BAG3: variants seen among roughly 807,000 people sequenced by gnomAD.
The protein encoded by BAG3 is BAG cochaperone 3.
BAG3 carries 14 observed loss-of-function variants against 40.5 expected under a neutral mutation model. That is an observed-to-expected ratio of 0.35 (90% CI 0.23 to 0.54). The LOEUF (loss-of-function observed/expected upper bound fraction) is 0.54. Among genes scored for constraint, BAG3 ranks in the 20% least tolerant of loss-of-function variants. The pLI is 0.91. For missense variants in BAG3, 788 were observed against 758.6 expected (o/e 1.04, Z -0.46); for synonymous variants, 302 against 307.8 (o/e 0.98, Z 0.20).
chr10:119,672,708 G>T lies in BAG3; in HGVS notation c.909+52G>T, dbSNP rs1441250576. 1.2e-6 allele frequency: 2 copies of T among 1,603,778 alleles called. No individual in the cohort carries two copies. Among genetic ancestry groups the T allele is most frequent in the African/African-American group, 2.7e-5 (2 of 74,922 alleles). On this transcript the variant is annotated intron_variant, in intron 3 of 3. Transcript: ENST00000369085. This position sits in a 1 kb window ranked among gnomAD's most constrained non-coding sequence, Gnocchi z 4.8. ...TGGTTATGGTGGTATGTCTCCAGGG[G>T]TGCAGGAGCTCTGTGGGTGCCCTGG...
chr10:119,661,395 G>C (rs1243628198), intron 1 of BAG3, among the ~76,000 whole-genome samples: 6 of 152,160 alleles, frequency 3.9e-5, no homozygotes, highest in African/African-American at 1.4e-4. Context: ...GAAATATGGG[G>C]ATCTTTACAG....
At position 119,651,583 on chromosome 10, in the gene BAG3, G is replaced by A; in HGVS notation, c.-93G>A. 1 of 1,225,832 alleles carries A rather than the reference G, an allele frequency of 8.2e-7. No homozygotes were observed. The highest frequency in any genetic ancestry group is 1.6e-5 in the African/African-American group (1 of 62,230). The allele number at this position is 1,225,832 out of a possible 1,614,324, so 75.9% of individuals were successfully genotyped here. ...CCGGCTTCCCGGACACGTCGGCGGC[G>A]GAGAGGGGCCCACGGCGGCGGCCCG... On this transcript the variant is annotated 5_prime_UTR_variant, in exon 1 of 4. Transcript: ENST00000369085.
In BAG3 at chr10:119,665,136, A is replaced by ATTTT. The variant is rs1430985995; in HGVS notation, c.181-4714_181-4713insTTTT. Among the ~76,000 whole-genome samples, 32 of 73,178 alleles carry ATTTT rather than the reference A, an allele frequency of 4.4e-4. 1 individual carries two copies. The highest frequency in any genetic ancestry group is 7.9e-4 in the African/African-American group (15 of 19,094). 48.0% of individuals were successfully genotyped at this position (73,178 alleles called of 152,430 possible). A position where few individuals can be genotyped will look rare whatever the true frequency, so the allele number is the denominator to read the frequency against. On this transcript the variant is annotated intron_variant, in intron 1 of 3. Coordinates refer to ENST00000369085, the MANE Select transcript of BAG3 (RefSeq NM_004281.4). ...TGTGTGTGTGTGTGTGTATATATAT[A>ATTTT]TATATATATTTTTTTTTTTAGTTGG...
rs183602923 is a variant in BAG3, at chr10:119,669,111, C to T, written c.181-740C>T. Among the ~76,000 whole-genome samples, 137 of 152,288 alleles carry T rather than the reference C, an allele frequency of 9.0e-4. 1 individual carries two copies. Among genetic ancestry groups the T allele is most frequent in the African/African-American group, 2.9e-3 (119 of 41,562 alleles). On this transcript the variant is annotated intron_variant, in intron 1 of 3. Transcript: ENST00000369085. Reference sequence around the variant, plus strand: ...GGGAGGGGGTTTCTGGCTAAACTGACTTAGCAGTGTCTTTTGCTAAAACTT... The same window carrying T: ...GGGAGGGGGTTTCTGGCTAAACTGATTTAGCAGTGTCTTTTGCTAAAACTT...
intron 1 of BAG3, among the ~76,000 whole-genome samples, chr10:119,656,835 C>T (rs1846919916): frequency 6.6e-6 from 1 of 151,900 alleles, no homozygotes; most frequent in South Asian, 2.1e-4. Flanking sequence ...CTTTTGGTAA[C>T]CTTATCTCTA....
chr10:119,653,084 G>A (rs1846865606), intron 1 of BAG3, among the ~76,000 whole-genome samples: 1 of 152,182 alleles, frequency 6.6e-6, no homozygotes, highest in Admixed American at 6.5e-5. Context: ...AGAAAGACCT[G>A]TATTATTTCC....
In BAG3 at chr10:119,672,097, C is replaced by G. The variant is rs539119843; in HGVS notation, c.508-158C>G. On this transcript the variant is annotated intron_variant, in intron 2 of 3. Transcript: ENST00000369085. The surrounding 1 kb of genome is among the most constrained non-coding windows in gnomAD (Gnocchi z 4.8). ...AGCCACCGCGCCCAGCCCCAGAGCTCTCAGTCTTAACCGCACATTTTGAAA... is the reference window on the plus strand; with the variant it reads ...AGCCACCGCGCCCAGCCCCAGAGCTGTCAGTCTTAACCGCACATTTTGAAA... 5.9e-5 allele frequency among the ~76,000 whole-genome samples: 9 copies of G among 152,274 alleles called. No homozygotes were observed. The highest frequency in any genetic ancestry group is 2.2e-4 in the African/African-American group (9 of 41,556).
intron 1 of BAG3, among the ~76,000 whole-genome samples, chr10:119,669,522 C>A (rs554938655): frequency 6.6e-6 from 1 of 152,198 alleles, no homozygotes. Flanking sequence ...TCTGAAAATG[C>A]GGGCATGGGC....
intron 1 of BAG3, among the ~76,000 whole-genome samples, chr10:119,662,583 T>A (rs1158051123): frequency 2.0e-5 from 3 of 152,148 alleles, no homozygotes; most frequent in Non-Finnish European, 4.4e-5. Flanking sequence ...ACAGTCTGTG[T>A]CCTACTTAAT....
chr10:119,670,324 C>T (rs997824720), intron 2 of BAG3, 147 bp downstream of exon 2: 12 of 839,526 alleles, frequency 1.4e-5, no homozygotes, highest in African/African-American at 1.2e-4. Flanking sequence ...CAGAGGTCAC[C>T]CAGCAAAGAC....
At chr10:119,667,399 A>T (rs544624558) in intron 1 of BAG3, among the ~76,000 whole-genome samples, 1 of 152,236 alleles carries the variant, frequency 6.6e-6, no homozygotes, top group Non-Finnish European at 1.5e-5. Flanking sequence ...ATGCCCTTAT[A>T]AAACCTCACA....
intron 3 of BAG3, among the ~76,000 whole-genome samples, chr10:119,673,230 C>T (rs1014605722): frequency 6.6e-6 from 1 of 152,198 alleles, no homozygotes; most frequent in Non-Finnish European, 1.5e-5. Context: ...TCATATGAGT[C>T]CCTTAATGAG....
chr10:119,670,057 G>A lies in BAG3; in HGVS notation c.387G>A (p.Ala129=), dbSNP rs764875756. Residue 129 remains alanine (A), a synonymous_variant, in exon 2 of 4, where the codon GCG becomes GCA. Coordinates refer to ENST00000369085, the MANE Select transcript of BAG3 (RefSeq NM_004281.4). The part of the protein sequence containing the change: ...MQRFRTEAAA[A]APQRSQSPLR... ...GATTCCGAACTGAGGCGGCAGCAGCGGCTCCTCAGAGGTCCCAGTCACCTC... is the reference window on the plus strand; with the variant it reads ...GATTCCGAACTGAGGCGGCAGCAGCAGCTCCTCAGAGGTCCCAGTCACCTC... The A allele has an allele frequency of 8.1e-6, 13 of 1,614,152 alleles. No individual in the cohort carries two copies. The highest frequency in any genetic ancestry group is 1.6e-4 in the Middle Eastern group (1 of 6,062).
chr10:119,658,769 G>A (rs939230869), intron 1 of BAG3, among the ~76,000 whole-genome samples: 2 of 152,188 alleles, frequency 1.3e-5, no homozygotes, highest in Non-Finnish European at 2.9e-5. Flanking sequence ...TCAGTCTCCC[G>A]TTGTGTGAAG....
intron 1 of BAG3, among the ~76,000 whole-genome samples, chr10:119,667,285 C>T (rs567200612): frequency 6.6e-6 from 1 of 152,190 alleles, no homozygotes; most frequent in Admixed American, 6.5e-5. Context: ...CCCTATCCTT[C>T]ACTTTTGATT....
intron 1 of BAG3, among the ~76,000 whole-genome samples, chr10:119,668,546 G>A (rs912618211): frequency 1.3e-5 from 2 of 152,350 alleles, no homozygotes; most frequent in Middle Eastern, 3.4e-3. Flanking sequence ...CTCGGTGCTC[G>A]GGGACTGTTA....
At chr10:119,669,373 A>G (rs1847109165) in intron 1 of BAG3, among the ~76,000 whole-genome samples, 1 of 152,056 alleles carries the variant, frequency 6.6e-6, no homozygotes, top group African/African-American at 2.4e-5. Context: ...AGATTCCCAA[A>G]CTGTGTCCTG....
intron 1 of BAG3, 38 bp downstream of exon 1, chr10:119,651,893 C>A: frequency 6.8e-7 from 1 of 1,475,572 alleles, no homozygotes; most frequent in Admixed American, 2.3e-5. Context: ...TCGGTGGCGC[C>A]ACCTCGACGG....
rs780973226 is a variant in BAG3 at position 119,672,239 on chromosome 10, C to A, written c.508-16C>A. On this transcript the variant is annotated splice_polypyrimidine_tract_variant and intron_variant, in intron 2 of 3. Coordinates refer to ENST00000369085, the MANE Select transcript of BAG3 (RefSeq NM_004281.4). The surrounding 1 kb of genome is among the most constrained non-coding windows in gnomAD (Gnocchi z 4.8). ...TCATTTGTGGGGTCATGCCCTCTAC[C>A]CTGTGTCTCTTGCAGCGGTCCCAGT... 6.2e-7 allele frequency: 1 copy of A among 1,611,908 alleles called. No individual in the cohort carries two copies. The highest frequency in any genetic ancestry group is 1.7e-5 in the Admixed American group (1 of 60,026).
Sources: gnomAD v4.1 joint callset for allele counts (sites outside exome capture counted in the v4.1 genomes callset) on GRCh38, gnomAD v4.1.1 for gene constraint, Gnocchi (gnomAD v3.1) non-coding constraint, MANE v1.5 for transcripts, NCBI Gene and HGNC (gene_info 2026-07-23, HGNC 2026-07-21) for gene names.